The following CPLANE1 variants were observed in gnomAD, a reference collection of about 807,000 sequenced individuals.
CPLANE1 encodes the protein ciliogenesis and planar polarity effector 1.
A neutral mutation model predicts 362.5 loss-of-function variants in CPLANE1; 263 were observed. The observed-to-expected ratio is 0.73, with a 90% CI of 0.66 to 0.80. The LOEUF is 0.80. Among genes scored for constraint, CPLANE1 ranks in the 30% least tolerant of loss-of-function variants. CPLANE1 has a pLI of 0.00. For synonymous variants in CPLANE1, 1,212 were observed against 1,302.6 expected, an observed-to-expected ratio of 0.93 and a Z score of 1.50; for missense variants, 3,461 against 3,793.4, an observed-to-expected ratio of 0.91 and a Z score of 2.30.
At chr5:37,167,516 C>A (rs868217346) in intron 34 of CPLANE1, among the ~76,000 whole-genome samples, 6 of 152,174 alleles carry the variant, frequency 3.9e-5, no homozygotes, top group African/African-American at 1.2e-4. Context: ...CAGTGGCTCA[C>A]GCCTGTAATC....
chr5:37,205,350 T>C lies in CPLANE1; in HGVS notation c.3254A>G (p.Lys1085Arg). ...VLGQPASLEAKNEMGSKYKQF... is the reference protein window; with the variant it reads ...VLGQPASLEARNEMGSKYKQF... The stretch of plus-strand genomic sequence containing the variant: ...TTTATATTTTGAGCCCATTTCATTT[T>C]TTGCTTCCAAAGAGGCTGGTTGACC... Residue 1085 changes from lysine to arginine, a missense_variant, in exon 18 of 53, where the codon AAA (lysine) becomes AGA (arginine). Coordinates refer to ENST00000651892, the MANE Select transcript of CPLANE1 (RefSeq NM_001384732.1). The C allele has an allele frequency of 6.4e-7, 1 of 1,551,192 alleles. No homozygotes were observed. The highest frequency in any genetic ancestry group is 1.2e-5 in the South Asian group (1 of 83,938).
rs11433764 is a variant in CPLANE1 at position 37,196,178 on chromosome 5, C to CAA, written c.3673-184_3673-183dup. Reference sequence around the variant, plus strand: ...CAGGAAAGTCACTAGCTTGTTATCTCAAAAAAAAAAAAGGTTCTAAGTAAA... The same window carrying CAA: ...CAGGAAAGTCACTAGCTTGTTATCTCAAAAAAAAAAAAAAGGTTCTAAGTAAA... On this transcript the variant is annotated intron_variant, in intron 20 of 52. Transcript: ENST00000651892. 7.9e-3 allele frequency among the ~76,000 whole-genome samples: 1,163 copies of CAA among 146,702 alleles called. 7 individuals carry two copies. The highest frequency in any genetic ancestry group is 0.016 in the South Asian group (73 of 4,650).
chr5:37,174,985 T>G (rs1780763009), intron 31 of CPLANE1, among the ~76,000 whole-genome samples: 1 of 152,138 alleles, frequency 6.6e-6, no homozygotes, highest in African/African-American at 2.4e-5. Context: ...AGTTGCCCAG[T>G]GACAGGGATC....
At chr5:37,083,796 C>T in the CPLANE1 span, among the ~76,000 whole-genome samples, 2 of 152,140 alleles carry the variant, frequency 1.3e-5, no homozygotes, top group African/African-American at 4.8e-5. Flanking sequence ...AAACCATTCA[C>T]CTAAGAATAA....
intron 46 of CPLANE1, among the ~76,000 whole-genome samples, chr5:37,126,918 G>T (rs926183576): frequency 6.6e-6 from 1 of 152,120 alleles, no homozygotes; most frequent in East Asian, 1.9e-4. Flanking sequence ...TAAACAGAAG[G>T]CCAGTCACAA....
intron 9 of CPLANE1, among the ~76,000 whole-genome samples, chr5:37,229,375 C>T (rs560756758): frequency 6.7e-6 from 1 of 150,188 alleles, no homozygotes; most frequent in Admixed American, 6.7e-5. Flanking sequence ...ATGGTGAAAC[C>T]CCGTCTCTAA....
At chr5:37,112,907 C>T (rs1759762411) in intron 51 of CPLANE1, among the ~76,000 whole-genome samples, 3 of 152,136 alleles carry the variant, frequency 2.0e-5, no homozygotes, top group Admixed American at 2.0e-4. Context: ...AACACAAAAC[C>T]CTGGATCTCC....
intron 50 of CPLANE1, among the ~76,000 whole-genome samples, chr5:37,116,123 C>T (rs982274338): frequency 2.6e-5 from 4 of 151,674 alleles, no homozygotes; most frequent in Non-Finnish European, 4.4e-5. Context: ...TCCGTCTCTA[C>T]GAAAAAATTT....
At chr5:37,231,137 G>A in intron 8 of CPLANE1, 88 bp from the exon 9 acceptor site, 1 of 948,020 alleles carries the variant, frequency 1.1e-6, no homozygotes, top group Non-Finnish European at 1.4e-6. Flanking sequence ...GCAGAGGTGT[G>A]AAAGTTCAAA....
chr5:37,185,269 C>T (rs1783680447), intron 24 of CPLANE1, among the ~76,000 whole-genome samples, 190 bp from the exon 25 acceptor site: 1 of 151,782 alleles, frequency 6.6e-6, no homozygotes, highest in African/African-American at 2.4e-5. Flanking sequence ...ACTGCAGAAG[C>T]TAAAGAAGGT....
intron 21 of CPLANE1, among the ~76,000 whole-genome samples, chr5:37,193,313 A>T (rs1279380226): frequency 6.6e-6 from 1 of 152,112 alleles, no homozygotes; most frequent in Non-Finnish European, 1.5e-5. Flanking sequence ...GTGCTTATAC[A>T]TCTCTACTTT....
At chr5:37,241,717 C>G (rs1393506591) in intron 6 of CPLANE1, among the ~76,000 whole-genome samples, 1 of 152,114 alleles carries the variant, frequency 6.6e-6, no homozygotes, top group Non-Finnish European at 1.5e-5. Context: ...ACCTGGACCT[C>G]CTGGGCTTCA....
rs1195354361 is a variant in CPLANE1 at position 37,157,335 on chromosome 5, T to C, written c.8097A>G (p.Pro2699=). Residue 2699 remains proline, a synonymous_variant, in exon 41 of 53, where the codon CCA becomes CCG. Transcript: ENST00000651892. Reference sequence around the variant, plus strand: ...TACCTTTGTTCTGCTGTATGTCTGATGGTGTAGGTGAGGTGACACTAGGCT... The same window carrying C: ...TACCTTTGTTCTGCTGTATGTCTGACGGTGTAGGTGAGGTGACACTAGGCT... ...VKEPSVTSPT[P]SDIQQNKGLP... 2 of 1,375,924 alleles carry C rather than the reference T, an allele frequency of 1.5e-6. No individual in the cohort carries two copies. Among genetic ancestry groups the C allele is most frequent in the Non-Finnish European group, 1.9e-6 (2 of 1,037,702 alleles). 85.2% of individuals were successfully genotyped at this position (1,375,924 alleles called of 1,614,324 possible). A position where few individuals can be genotyped will look rare whatever the true frequency, so the allele number is the denominator to read the frequency against.
chr5:37,227,576 A>G lies in CPLANE1; in HGVS notation c.1363T>C (p.Leu455=), dbSNP rs565744458. ...RLEKIYQSVI[L]SKPKGKGLNL... is the part of the protein sequence containing the mutation. ...ATAAAAAAGCACTATACCTTAGACA[A>G]TATCACACTTTGATATATTTTCTCA... Residue 455 remains leucine (L), a synonymous_variant, in exon 10 of 53, where the codon TTG becomes CTG. Transcript: ENST00000651892. 1.9e-6 allele frequency: 3 copies of G among 1,550,498 alleles called. No individual in the cohort carries two copies. The highest frequency in any genetic ancestry group is 2.7e-5 in the African/African-American group (2 of 73,120).
Position 37,184,826 on chromosome 5 carries a change from C to G in CPLANE1, c.4443G>C (p.Leu1481Phe), listed in dbSNP as rs1783558633. 3.1e-6 allele frequency: 5 copies of G among 1,612,592 alleles called. No homozygotes were observed. Among genetic ancestry groups the G allele is most frequent in the Admixed American group, 1.7e-5 (1 of 59,692 alleles). ...HSDADTFSEA[L>F]SVEEKSRINI... is the part of the protein sequence containing the mutation. The stretch of plus-strand genomic sequence containing the variant: ...TTATCCTACTTTTTTCTTCAACCGA[C>G]AAAGCTTCAGAGAACGTATCTGCAT... The change falls in exon 25 of 53, where the codon TTG becomes TTC. Residue 1481 changes from leucine (L) to phenylalanine (F), a missense_variant. This residue lies in a region of CPLANE1 where 3,380 missense variants were observed against 3,666.1 expected (regional missense o/e 0.92). Coordinates refer to ENST00000651892, the MANE Select transcript of CPLANE1 (RefSeq NM_001384732.1).
At chr5:37,170,539 A>G (rs1479819434) in intron 32 of CPLANE1, among the ~76,000 whole-genome samples, 1 of 152,096 alleles carries the variant, frequency 6.6e-6, no homozygotes, top group East Asian at 1.9e-4. Flanking sequence ...TCAACCAGGC[A>G]TATGAATACT....
Position 37,183,221 on chromosome 5 carries a change from TAA to T in CPLANE1, c.4958_4959del (p.Val1653GlufsTer14). 1 of 1,610,448 alleles carries T rather than the reference TAA, an allele frequency of 6.2e-7. No homozygotes were observed. Among genetic ancestry groups the T allele is most frequent in the Non-Finnish European group, 8.5e-7 (1 of 1,178,758 alleles). On this transcript the variant is annotated frameshift_variant, in exon 26 of 53. Coordinates refer to ENST00000651892, the MANE Select transcript of CPLANE1 (RefSeq NM_001384732.1). Reference sequence around the variant, plus strand: ...TGTAAAAAAGGTTTGATCCCTTGATTAACCAGTACTGATGATGAAAGTTTCTG... The same window carrying T: ...TGTAAAAAAGGTTTGATCCCTTGATTCCAGTACTGATGATGAAAGTTTCTG... ...ENQKLSSSVLVNQGIKPFLQY... is the reference protein window; with the variant it reads ...ENQKLSSSVLXNQGIKPFLQY...
At chr5:37,212,946 C>G (rs190212732) in intron 16 of CPLANE1, among the ~76,000 whole-genome samples, 1 of 152,200 alleles carries the variant, frequency 6.6e-6, no homozygotes, top group East Asian at 1.9e-4. Flanking sequence ...GGGCACGTGG[C>G]GCACGCCTAT....
Position 37,125,378 on chromosome 5 carries a change from T to C in CPLANE1, c.8824A>G (p.Arg2942Gly). The C allele has an allele frequency of 6.2e-7, 1 of 1,613,328 alleles. No individual in the cohort carries two copies. Among genetic ancestry groups the C allele is most frequent in the Non-Finnish European group, 8.5e-7 (1 of 1,179,892 alleles). The stretch of plus-strand genomic sequence containing the variant: ...ATCTCTCTTCTTTCCTTGTCAGTTC[T>C]TTGTGAATGTCTGCCAGAATAATGC... Reference protein sequence around the residue: ...IQHYSGRHSQRTDKERREIQA... With the variant: ...IQHYSGRHSQGTDKERREIQA... Residue 2942 changes from arginine to glycine, a missense_variant, in exon 47 of 53, where the codon AGA becomes GGA. By Grantham distance (125) the Arg-to-Gly change is moderately radical. Coordinates refer to ENST00000651892, the MANE Select transcript of CPLANE1 (RefSeq NM_001384732.1).
Sources: gnomAD v4.1 joint callset for allele counts (sites outside exome capture counted in the v4.1 genomes callset) on GRCh38, gnomAD v4.1.1 for gene constraint, gnomAD v4.1.1 regional missense constraint, MANE v1.5 for transcripts, NCBI Gene and HGNC (gene_info 2026-07-23, HGNC 2026-07-21) for gene names.